PTPRD: variants seen among roughly 807,000 people sequenced by gnomAD.
PTPRD encodes the protein receptor-type tyrosine-protein phosphatase delta.
A neutral mutation model predicts 214.5 loss-of-function variants in PTPRD; 34 were observed. That is an observed-to-expected ratio of 0.16 (90% confidence interval 0.12 to 0.21). The LOEUF is 0.21. PTPRD is among the 10% of genes least tolerant of loss of function. The pLI, the probability that PTPRD is intolerant of heterozygous loss-of-function variation, is 1.00. For synonymous variants in PTPRD, 1,128 were observed against 845.7 expected (o/e 1.33, Z -5.79); for missense variants, 2,545 against 2,398.7 (o/e 1.06, Z -1.27).
chr9:8,401,908 A>G (rs1421172763), intron 36 of PTPRD, among the ~76,000 whole-genome samples: 1 of 152,188 alleles, frequency 6.6e-6, no homozygotes, highest in Non-Finnish European at 1.5e-5. Flanking sequence ...AAACAAGCAC[A>G]TTAAGTTTTA....
intron 7 of PTPRD, among the ~76,000 whole-genome samples, chr9:9,678,817 T>A (rs1289688417): frequency 6.6e-6 from 1 of 151,870 alleles, no homozygotes; most frequent in Non-Finnish European, 1.5e-5. Flanking sequence ...TCTCTCACAT[T>A]CCTGTCATAA....
At chr9:8,638,514 T>G (rs1046622837) in intron 12 of PTPRD, among the ~76,000 whole-genome samples, 1 of 152,220 alleles carries the variant, frequency 6.6e-6, no homozygotes, top group African/African-American at 2.4e-5. Flanking sequence ...TGCAAAACTA[T>G]GACATATGAA....
At chr9:9,713,069 T>C (rs1028575706) in intron 7 of PTPRD, among the ~76,000 whole-genome samples, 1 of 152,192 alleles carries the variant, frequency 6.6e-6, no homozygotes, top group Non-Finnish European at 1.5e-5. Flanking sequence ...TTAAATAAAA[T>C]AATTGTATAT....
chr9:8,969,448 T>C (rs2099222544), intron 11 of PTPRD, among the ~76,000 whole-genome samples: 1 of 152,086 alleles, frequency 6.6e-6, no homozygotes, highest in South Asian at 2.1e-4. Flanking sequence ...TTGTTTGTGT[T>C]ATTGAAGAGT....
chr9:9,125,418 T>G (rs2099828448), intron 10 of PTPRD, among the ~76,000 whole-genome samples: 1 of 152,180 alleles, frequency 6.6e-6, no homozygotes, highest in Non-Finnish European at 1.5e-5. Context: ...TACCATTCAG[T>G]TGCAGTTTGA....
intron 5 of PTPRD, among the ~76,000 whole-genome samples, chr9:9,833,568 C>T (rs926711771): frequency 6.7e-6 from 1 of 148,394 alleles, no homozygotes; most frequent in Non-Finnish European, 1.5e-5. Flanking sequence ...ACCGGTCTGA[C>T]CAAAATTTAT....
At chr9:9,731,898 T>C (rs1302331967) in intron 7 of PTPRD, among the ~76,000 whole-genome samples, 2 of 152,196 alleles carry the variant, frequency 1.3e-5, no homozygotes, top group Non-Finnish European at 2.9e-5. Flanking sequence ...CAAGATGACA[T>C]TGTTTCCTCA....
chr9:9,243,335 A>G (rs930338065), intron 9 of PTPRD, among the ~76,000 whole-genome samples: 2 of 150,734 alleles, frequency 1.3e-5, no homozygotes, highest in African/African-American at 4.8e-5. Flanking sequence ...GAGACACAAC[A>G]AAAAAAGAGA....
intron 3 of PTPRD, among the ~76,000 whole-genome samples, chr9:10,131,069 A>G (rs922777804): frequency 4.6e-5 from 7 of 152,166 alleles, no homozygotes; most frequent in Non-Finnish European, 8.8e-5. Context: ...AACAAAAAGA[A>G]TTGCATTTGT....
chr9:10,263,597 G>A (rs143282889), intron 3 of PTPRD, among the ~76,000 whole-genome samples: 178 of 152,212 alleles, frequency 1.2e-3, no homozygotes, highest in African/African-American at 4.0e-3. Context: ...GGTATCTGGC[G>A]GAAGAAATTT....
intron 30 of PTPRD, among the ~76,000 whole-genome samples, chr9:8,483,425 C>A (rs1591660982): frequency 6.6e-6 from 1 of 152,052 alleles, no homozygotes; most frequent in Non-Finnish European, 1.5e-5. Context: ...GAGTTAATCA[C>A]CTATTCACCT....
intron 7 of PTPRD, among the ~76,000 whole-genome samples, chr9:9,650,900 TAC>T (rs1436886126): frequency 6.6e-6 from 1 of 152,078 alleles, no homozygotes; most frequent in African/African-American, 2.4e-5. Flanking sequence ...AAATAAATGT[TAC>T]ATTTATAAAT....
At chr9:10,371,696 T>C (rs1324937344) in intron 2 of PTPRD, among the ~76,000 whole-genome samples, 1 of 152,030 alleles carries the variant, frequency 6.6e-6, no homozygotes, top group Non-Finnish European at 1.5e-5. Flanking sequence ...AATATACACA[T>C]GAAGTAAATG....
chr9:10,140,752 G>A (rs1313531862), intron 3 of PTPRD, among the ~76,000 whole-genome samples: 1 of 152,032 alleles, frequency 6.6e-6, no homozygotes, highest in African/African-American at 2.4e-5. Context: ...CATTTTATGA[G>A]GCCAGCATCA....
intron 10 of PTPRD, among the ~76,000 whole-genome samples, chr9:9,022,356 C>G (rs1041520819): frequency 6.6e-6 from 1 of 152,082 alleles, no homozygotes; most frequent in Non-Finnish European, 1.5e-5. Flanking sequence ...GTCCTGAAAG[C>G]TCCATTCATT....
intron 5 of PTPRD, among the ~76,000 whole-genome samples, chr9:9,916,903 C>G (rs1407273222): frequency 6.6e-6 from 1 of 151,424 alleles, no homozygotes; most frequent in Non-Finnish European, 1.5e-5. Flanking sequence ...AAAATGATAA[C>G]AAGAGGAACA....
chr9:10,455,207 C>T (rs901877908), intron 2 of PTPRD, among the ~76,000 whole-genome samples: 4 of 151,648 alleles, frequency 2.6e-5, no homozygotes, highest in Admixed American at 1.3e-4. Flanking sequence ...TGTAGCACTG[C>T]TGACGAGAGC....
At chr9:9,842,020 C>T (rs2058445557) in intron 5 of PTPRD, among the ~76,000 whole-genome samples, 1 of 151,768 alleles carries the variant, frequency 6.6e-6, no homozygotes, top group Admixed American at 6.6e-5. Context: ...AACAACTATA[C>T]ATGTTTAATA....
intron 12 of PTPRD, among the ~76,000 whole-genome samples, chr9:8,719,172 A>G (rs1280934554): frequency 6.6e-6 from 1 of 152,198 alleles, no homozygotes; most frequent in Non-Finnish European, 1.5e-5. Flanking sequence ...ACACCGTGCA[A>G]TGAAAACTAT....
Sources: allele counts gnomAD v4.1 joint callset (sites outside exome capture counted in the v4.1 genomes callset), GRCh38; gene constraint gnomAD v4.1.1; transcripts MANE v1.5; gene names NCBI Gene and HGNC (gene_info 2026-07-23, HGNC 2026-07-21).